Variants in TMEM94 observed in about 807,000 individuals in gnomAD.
TMEM94 encodes the protein ER Mg2+ ATPase.
Under a neutral mutation model 158.6 loss-of-function variants are expected in TMEM94, and 81 were observed. The observed-to-expected ratio is 0.51, with a 90% confidence interval of 0.43 to 0.61. TMEM94 has a LOEUF of 0.61. Ranked by LOEUF, TMEM94 falls within the 20% of genes least tolerant of loss-of-function variation. The pLI is 0.00. For synonymous variants in TMEM94, 751 were observed against 730.7 expected, an observed-to-expected ratio of 1.03 and a Z score of -0.45; for missense variants, 1,435 against 1,762.0, an observed-to-expected ratio of 0.81 and a Z score of 3.32.
At position 75,498,940 on chromosome 17, in the gene TMEM94, G is replaced by A; in HGVS notation, c.3856G>A (p.Val1286Met). The A allele has an allele frequency of 6.4e-7, 1 of 1,569,376 alleles. No homozygotes were observed. Among genetic ancestry groups the A allele is most frequent in the Non-Finnish European group, 8.6e-7 (1 of 1,157,078 alleles). The stretch of plus-strand genomic sequence containing the variant: ...GCTGGGTCAGGTGGTCCAGACGGCT[G>A]TGGACCTGCAGCTGTGGACACACAG... ...VLLGQVVQTA[V>M]DLQLWTHRDS... The change falls in exon 31 of 32, where the codon GTG becomes ATG. Residue 1286 changes from valine (V) to methionine (M), a missense_variant. Transcript: ENST00000314256. The surrounding 1 kb of genome is among the most constrained non-coding windows in gnomAD (Gnocchi z 6.7).
intron 7 of TMEM94, 63 bp downstream of exon 7, chr17:75,488,973 G>A: frequency 6.6e-7 from 1 of 1,508,206 alleles, no homozygotes; most frequent in South Asian, 1.3e-5. Flanking sequence ...GAATGGGACT[G>A]ACAAGGAAGG....
At chr17:75,480,548 G>A (rs1372153901) in intron 2 of TMEM94, among the ~76,000 whole-genome samples, 3 of 152,182 alleles carry the variant, frequency 2.0e-5, no homozygotes, top group Admixed American at 6.5e-5. Flanking sequence ...AGGAGGTCTT[G>A]GCTGCTTGGA....
intron 1 of TMEM94, among the ~76,000 whole-genome samples, chr17:75,469,971 T>C (rs568321717): frequency 1.0e-4 from 15 of 145,782 alleles, no homozygotes; most frequent in African/African-American, 3.8e-4. Flanking sequence ...TACTCAGGAG[T>C]CTGAGGCAGG....
Position 75,476,677 on chromosome 17 carries a change from C to G in TMEM94, c.24+4748C>G. The stretch of plus-strand genomic sequence containing the variant: ...TTCTTGCAGCTGACTGCTTGTGGCT[C>G]AGACTCTGGCCCATGCTCTTTAAGC... On this transcript the variant is annotated intron_variant, in intron 2 of 31. Coordinates refer to ENST00000314256, the MANE Select transcript of TMEM94 (RefSeq NM_014738.6). The G allele has an allele frequency of 2.0e-6, 3 of 1,535,582 alleles. No individual in the cohort carries two copies. The Admixed American group carries it at 5.9e-5, about 30-fold the overall frequency.
intron 1 of TMEM94, among the ~76,000 whole-genome samples, chr17:75,460,515 ATTT>A (rs537401657): frequency 1.4e-5 from 2 of 140,676 alleles, no homozygotes. Flanking sequence ...GGAGCTGCTG[ATTT>A]TTTTTTTTTT....
At chr17:75,496,220 G>A (rs757748299) in intron 23 of TMEM94, 62 bp from the exon 24 acceptor site, 3 of 1,605,352 alleles carry the variant, frequency 1.9e-6, no homozygotes, top group Non-Finnish European at 2.6e-6. Context: ...GGGAGAAGAG[G>A]GTGGGGTGCC....
rs2052548492 is a variant in TMEM94 at position 75,494,997 on chromosome 17, C to A, written c.2691C>A (p.Pro897=). Residue 897 remains proline, a synonymous_variant, in exon 20 of 32, where the codon CCC becomes CCA. Coordinates refer to ENST00000314256, the MANE Select transcript of TMEM94 (RefSeq NM_014738.6). The part of the protein sequence containing the change: ...MPGSEIPPSS[P]SHAGSLHDDL... ...GCTCCGAGATCCCCCCCTCCAGCCCCAGCCACGCAGGCTCCCTGCATGATG... is the reference window on the plus strand; with the variant it reads ...GCTCCGAGATCCCCCCCTCCAGCCCAAGCCACGCAGGCTCCCTGCATGATG... 1 of 1,613,404 alleles carries A rather than the reference C, an allele frequency of 6.2e-7. No homozygotes were observed. Among genetic ancestry groups the A allele is most frequent in the East Asian group, 2.2e-5 (1 of 44,884 alleles).
At position 75,498,450 on chromosome 17, in the gene TMEM94, C is replaced by T. The variant is rs111789486; in HGVS notation, c.3645C>T (p.Asp1215=). The change falls in exon 29 of 32, where the codon GAC becomes GAT. Residue 1215 remains aspartate (D), a synonymous_variant. Transcript: ENST00000314256. This position sits in a 1 kb window ranked among gnomAD's most constrained non-coding sequence, Gnocchi z 6.7. ...NCSSVMLPSN[D]DRAPAWFEDF... ...CCATGCCTCACTTTGGCAGCAACGA[C>T]GACAGGGCTCCAGCCTGGTTTGAGG... The T allele has an allele frequency of 4.4e-5, 70 of 1,587,304 alleles. 1 individual carries two copies. The African/African-American group carries it at 7.1e-4, about 16-fold the overall frequency.
intron 1 of TMEM94, 52 bp from the exon 2 acceptor site, chr17:75,471,748 A>G (rs1363860167): frequency 1.5e-6 from 1 of 679,524 alleles, no homozygotes; most frequent in East Asian, 2.7e-5. Context: ...TGTGTTTCAC[A>G]GTAGCTGCCT....
chr17:75,480,697 G>T (rs1287988511), intron 2 of TMEM94, among the ~76,000 whole-genome samples: 1 of 152,224 alleles, frequency 6.6e-6, no homozygotes, highest in Non-Finnish European at 1.5e-5. Flanking sequence ...TGCCTTGCTG[G>T]AAACTGTCAC....
Position 75,496,789 on chromosome 17 carries a change from G to C in TMEM94, c.3303G>C (p.Leu1101=), listed in dbSNP as rs144722615. ...KCFLFLLQCQ[L]TLVVIQFLSC... ...TCCTCTTCCTGCTGCAGTGCCAGCT[G>C]ACTCTTGTGGTCATCCAGGTGAGGT... Residue 1101 remains leucine (L), a synonymous_variant, in exon 25 of 32, where the codon CTG becomes CTC. Transcript: ENST00000314256. The C allele has an allele frequency of 6.2e-7, 1 of 1,613,806 alleles. No individual in the cohort carries two copies. Among genetic ancestry groups the C allele is most frequent in the African/African-American group, 1.3e-5 (1 of 75,054 alleles).
rs753792001 is a variant in TMEM94, at chr17:75,492,721, A to G, written c.1844A>G (p.Gln615Arg). 1 of 1,611,738 alleles carries G rather than the reference A, an allele frequency of 6.2e-7. No individual in the cohort carries two copies. The highest frequency in any genetic ancestry group is 1.1e-5 in the South Asian group (1 of 91,072). ...GACCACCTGTGCAACATCGCCCTGC[A>G]AGAGAGCCACAGCGCCGTGCTGCCC... Reference protein sequence around the residue: ...FSDHLCNIALQESHSAVLPVH... With the variant: ...FSDHLCNIALRESHSAVLPVH... The change falls in exon 15 of 32, where the codon CAA becomes CGA. Residue 615 changes from glutamine to arginine, a missense_variant. Transcript: ENST00000314256. This position sits in a 1 kb window ranked among gnomAD's most constrained non-coding sequence, Gnocchi z 4.4.
At position 75,489,507 on chromosome 17, in the gene TMEM94, G is replaced by A. The variant is rs1273867593; in HGVS notation, c.868-69G>A. Reference sequence around the variant, plus strand: ...GCCAGCCTGTGGAGTAGCAAAGGAAGGGGAACGGCAGTGCCTGGGTCCCTC... The same window carrying A: ...GCCAGCCTGTGGAGTAGCAAAGGAAAGGGAACGGCAGTGCCTGGGTCCCTC... On this transcript the variant is annotated intron_variant, in intron 8 of 31. Transcript: ENST00000314256. This position sits in a 1 kb window ranked among gnomAD's most constrained non-coding sequence, Gnocchi z 5.0. The A allele has an allele frequency of 4.0e-6, 6 of 1,516,072 alleles. No homozygotes were observed. Among genetic ancestry groups the A allele is most frequent in the Non-Finnish European group, 5.5e-6 (6 of 1,091,264 alleles). 93.9% of individuals were successfully genotyped at this position (1,516,072 alleles called of 1,614,324 possible). A position where few individuals can be genotyped will look rare whatever the true frequency, so the allele number is the denominator to read the frequency against.
chr17:75,463,178 G>GTATATATATATATATATATATA (rs749164900), intron 1 of TMEM94, among the ~76,000 whole-genome samples: 1 of 15,062 alleles, frequency 6.6e-5, no homozygotes, highest in African/African-American at 1.7e-4. Context: ...GTGTGTGTGT[G>GTATATATATATATATATATATA]TATATATATA....
intron 25 of TMEM94, 123 bp downstream of exon 25, chr17:75,496,930 C>T (rs2052752965): frequency 8.7e-7 from 1 of 1,144,450 alleles, no homozygotes. Context: ...CCCAGAGCCT[C>T]TGTGAAGCCC....
chr17:75,487,903 G>T lies in TMEM94; in HGVS notation c.410-29G>T. 2 of 1,594,524 alleles carry T rather than the reference G, an allele frequency of 1.3e-6. No homozygotes were observed. Among genetic ancestry groups the T allele is most frequent in the South Asian group, 1.1e-5 (1 of 90,568 alleles). On this transcript the variant is annotated intron_variant, in intron 5 of 31. Transcript: ENST00000314256. The surrounding 1 kb of genome is among the most constrained non-coding windows in gnomAD (Gnocchi z 4.6). Reference sequence around the variant, plus strand: ...TGGGGGGCAGGGCCGTGGCTGAGAGGGTTGTTTCCCTCTTTCCATTCCCCT... The same window carrying T: ...TGGGGGGCAGGGCCGTGGCTGAGAGTGTTGTTTCCCTCTTTCCATTCCCCT...
Position 75,492,267 on chromosome 17 carries a change from T to TG in TMEM94, c.1597-207_1597-206insG. 7.0e-7 allele frequency: 1 copy of TG among 1,426,486 alleles called. No homozygotes were observed. Among genetic ancestry groups the TG allele is most frequent in the Non-Finnish European group, 9.1e-7 (1 of 1,096,034 alleles). 88.4% of individuals were successfully genotyped at this position (1,426,486 alleles called of 1,614,324 possible). A position where few individuals can be genotyped will look rare whatever the true frequency, so the allele number is the denominator to read the frequency against. On this transcript the variant is annotated intron_variant, in intron 14 of 31. Transcript: ENST00000314256. This position sits in a 1 kb window ranked among gnomAD's most constrained non-coding sequence, Gnocchi z 4.4. ...CTGCCAGTGTCATGAGATATATTAATAGTCCATAGAAGCAGACAGGAGCCC... is the reference window on the plus strand; with the variant it reads ...CTGCCAGTGTCATGAGATATATTAATGAGTCCATAGAAGCAGACAGGAGCCC...
intron 1 of TMEM94, among the ~76,000 whole-genome samples, chr17:75,466,620 C>T (rs1301207052): frequency 6.6e-6 from 1 of 151,990 alleles, no homozygotes; most frequent in African/African-American, 2.4e-5. Context: ...AGTTCAAGAC[C>T]AGCCTGGCCA....
At chr17:75,465,013 T>C (rs1005580857) in intron 1 of TMEM94, among the ~76,000 whole-genome samples, 6 of 151,986 alleles carry the variant, frequency 3.9e-5, no homozygotes, top group Non-Finnish European at 2.9e-5. Flanking sequence ...TTGTTGTTGT[T>C]GTTAGAGACA....
Sources: gnomAD v4.1 joint callset for allele counts (sites outside exome capture counted in the v4.1 genomes callset) on GRCh38, gnomAD v4.1.1 for gene constraint, Gnocchi (gnomAD v3.1) non-coding constraint, MANE v1.5 for transcripts, NCBI Gene and HGNC (gene_info 2026-07-23, HGNC 2026-07-21) for gene names.